The following MTMR9 variants were observed in gnomAD, a reference collection of about 807,000 sequenced individuals.
MTMR9 encodes the protein myotubularin related protein 9.
MTMR9 carries 39 observed loss-of-function variants against 69.5 expected under a neutral mutation model. The observed-to-expected ratio is 0.56, with a 90% CI of 0.43 to 0.73. The LOEUF (loss-of-function observed/expected upper bound fraction) is 0.73. Ranked by LOEUF, MTMR9 falls within the 30% of genes least tolerant of loss-of-function variation. MTMR9 has a pLI of 0.00. For synonymous variants in MTMR9, 354 were observed against 240.8 expected, an observed-to-expected ratio of 1.47 and a Z score of -4.35; for missense variants, 900 against 671.2, an observed-to-expected ratio of 1.34 and a Z score of -3.77.
At chr8:11,288,053 T>TTATATAATATATATTATATTTCACC (rs1279939171) in intron 1 of MTMR9, among the ~76,000 whole-genome samples, 1 of 126,268 alleles carries the variant, frequency 7.9e-6, no homozygotes, top group Non-Finnish European at 1.6e-5. Context: ...ATAATACGTA[T>TTATATAATATATATTATATTTCACC]TATATAATAT....
At chr8:11,332,136 G>A (rs199515280), downstream of MTMR9, 2 of 1,611,494 alleles carry the variant, frequency 1.2e-6, no homozygotes, top group East Asian at 2.2e-5. Context: ...TAGAACTTGG[G>A]AGCCCGGGGG....
chr8:11,332,022 G>A (rs767125146), downstream of MTMR9: 1 of 1,611,844 alleles, frequency 6.2e-7, no homozygotes, highest in East Asian at 2.2e-5. Flanking sequence ...TGAGACTGTG[G>A]CACTTTCTGA....
At chr8:11,314,883 G>T (rs541270264) in intron 6 of MTMR9, 40 bp from the exon 7 acceptor site, 2 of 1,600,914 alleles carry the variant, frequency 1.2e-6, no homozygotes, top group East Asian at 2.2e-5. Flanking sequence ...GACCATGTTG[G>T]ACATTTCCCA....
At chr8:11,317,755 G>C (rs1468193812) in intron 8 of MTMR9, 7 of 152,192 alleles carry the variant, frequency 4.6e-5, no homozygotes, top group Admixed American at 4.6e-4. Flanking sequence ...AAGTGTATAG[G>C]TTCATTTACA....
intron 8 of MTMR9, 38 bp from the exon 9 acceptor site, chr8:11,319,649 A>C: frequency 3.7e-6 from 6 of 1,607,962 alleles, no homozygotes; most frequent in South Asian, 1.1e-5. Context: ...GGTTGTTATA[A>C]ATTAATTACT....
chr8:11,321,647 A>G lies in MTMR9; in HGVS notation c.1487-978A>G, dbSNP rs1217877080. On this transcript the variant is annotated intron_variant, in intron 9 of 9. Coordinates refer to ENST00000221086, the MANE Select transcript of MTMR9 (RefSeq NM_015458.4). ...TATTAGGTAAAATCCTATGGTAGGC[A>G]TCTATATTGAATAAGACTGCTCTTC... 9 of 367,184 alleles carry G rather than the reference A, an allele frequency of 2.5e-5. No individual in the cohort carries two copies. In the East Asian group the frequency reaches 5.9e-4, roughly 24 times the overall value. The allele number at this position is 367,184 out of a possible 1,614,324, so 22.7% of individuals were successfully genotyped here.
In MTMR9 at chr8:11,316,879, C is replaced by T. The variant is rs1179116329; in HGVS notation, c.1320C>T (p.Asn440=). ...CACAGTTTGGAACATTTCTGGGCAA[C>T]AATGAAAGTGAAAGGTGAGTACACT... ...YASQFGTFLG[N]NESERCKLKL... Residue 440 remains asparagine, a synonymous_variant, in exon 8 of 10, where the codon AAC becomes AAT. Coordinates refer to ENST00000221086, the MANE Select transcript of MTMR9 (RefSeq NM_015458.4). 1.9e-6 allele frequency: 3 copies of T among 1,599,940 alleles called. No homozygotes were observed. The highest frequency in any genetic ancestry group is 2.6e-6 in the Non-Finnish European group (3 of 1,173,598).
chr8:11,297,358 A>T (rs945761557), intron 2 of MTMR9, among the ~76,000 whole-genome samples: 32 of 152,258 alleles, frequency 2.1e-4, no homozygotes, highest in Middle Eastern at 3.2e-3. Flanking sequence ...TGTCTTACAC[A>T]TCTGTCATTT....
Position 11,325,568 on chromosome 8 carries a change from A to C in MTMR9, c.*2780A>C, listed in dbSNP as rs1185879092. The C allele has an allele frequency of 6.6e-6, 1 of 152,190 alleles. No individual in the cohort carries two copies. Among genetic ancestry groups the C allele is most frequent in the Non-Finnish European group, 1.5e-5 (1 of 68,032 alleles). The allele number at this position is 152,190 out of a possible 1,614,324, so 9.4% of individuals were successfully genotyped here. The stretch of plus-strand genomic sequence containing the variant: ...TGGTTTTTATACAGGAGATACGTAA[A>C]GTAGGCCCCACAAATAATATTTTTA... On this transcript the variant is annotated 3_prime_UTR_variant, in exon 10 of 10. Coordinates refer to ENST00000221086, the MANE Select transcript of MTMR9 (RefSeq NM_015458.4).
At chr8:11,304,338 T>C (rs1223960953) in intron 3 of MTMR9, among the ~76,000 whole-genome samples, 1 of 152,222 alleles carries the variant, frequency 6.6e-6, no homozygotes, top group East Asian at 1.9e-4. Context: ...ATGCATTATC[T>C]GGAGTCGTAC....
chr8:11,295,372 T>G, intron 2 of MTMR9, 70 bp downstream of exon 2: 1 of 893,840 alleles, frequency 1.1e-6, no homozygotes. Flanking sequence ...CTCTTCCATT[T>G]CTTCATTAGA....
rs142868371 is a variant in MTMR9, at chr8:11,299,427, G to C, written c.292-596G>C. Among the ~76,000 whole-genome samples, 41 of 152,302 alleles carry C rather than the reference G, an allele frequency of 2.7e-4. No homozygotes were observed. In the East Asian group the frequency reaches 7.1e-3, roughly 27 times the overall value. On this transcript the variant is annotated intron_variant, in intron 2 of 9. Coordinates refer to ENST00000221086, the MANE Select transcript of MTMR9 (RefSeq NM_015458.4). Reference sequence around the variant, plus strand: ...CTTAATGCTTCAACAACACTATGAAGTAGGTATGTTATTTCCCCCATTTTA... The same window carrying C: ...CTTAATGCTTCAACAACACTATGAACTAGGTATGTTATTTCCCCCATTTTA...
intron 2 of MTMR9, among the ~76,000 whole-genome samples, chr8:11,299,145 T>G: frequency 6.6e-6 from 1 of 152,140 alleles, no homozygotes; most frequent in East Asian, 1.9e-4. Context: ...CTGGCCAACA[T>G]GGTGAAACCC....
chr8:11,331,057 A>C, downstream of MTMR9: 2 of 1,547,362 alleles, frequency 1.3e-6, no homozygotes, highest in Non-Finnish European at 1.7e-6. Context: ...TGGAGCTCTG[A>C]GGGGCCCAGG....
chr8:11,307,221 G>C (rs1799972081), intron 5 of MTMR9, among the ~76,000 whole-genome samples: 1 of 152,078 alleles, frequency 6.6e-6, no homozygotes, highest in Admixed American at 6.5e-5. Flanking sequence ...ACAGGTGCCT[G>C]CTACCACGCC....
chr8:11,317,125 C>T (rs2117448753), intron 8 of MTMR9: 2 of 322,214 alleles, frequency 6.2e-6, no homozygotes, highest in South Asian at 1.4e-4. Flanking sequence ...AATTAAGGGG[C>T]AACCATTTTA....
chr8:11,331,700 G>A (rs373304487), downstream of MTMR9: 1 of 1,611,972 alleles, frequency 6.2e-7, no homozygotes, highest in Non-Finnish European at 8.5e-7. Flanking sequence ...AGGCTTTCCT[G>A]GGAGGCCTGG....
intron 2 of MTMR9, 103 bp from the exon 3 acceptor site, chr8:11,299,920 C>A (rs182463250): frequency 7.8e-7 from 1 of 1,288,162 alleles, no homozygotes. Flanking sequence ...TTCTGGGTGC[C>A]CATCATTATT....
At chr8:11,320,675 G>T (rs1334054015) in intron 9 of MTMR9, 4 of 152,250 alleles carry the variant, frequency 2.6e-5, no homozygotes, top group African/African-American at 9.6e-5. Flanking sequence ...AAAGGTTGCA[G>T]TGAGCAGAGA....
Sources: allele counts gnomAD v4.1 joint callset (sites outside exome capture counted in the v4.1 genomes callset), GRCh38; gene constraint gnomAD v4.1.1; transcripts MANE v1.5; gene names NCBI Gene and HGNC (gene_info 2026-07-23, HGNC 2026-07-21).